Variants in GABRA3 observed in about 807,000 individuals in gnomAD.
GABRA3 encodes gamma-aminobutyric acid receptor subunit alpha-3.
A neutral mutation model predicts 30.1 loss-of-function variants in GABRA3; 10 were observed. The observed-to-expected ratio is 0.33, with a 90% CI of 0.20 to 0.56. The LOEUF (loss-of-function observed/expected upper bound fraction) is 0.56, where lower values mean the gene tolerates loss of function less well. GABRA3 is among the 20% of genes least tolerant of loss of function. The pLI is 0.89. For missense variants in GABRA3, 233 were observed against 392.0 expected (o/e 0.59, Z 3.42); for synonymous variants, 151 against 146.8 (o/e 1.03, Z -0.21).
intron 1 of GABRA3, among the ~76,000 whole-genome samples, chrX:152,412,335 A>G (rs1370502157): frequency 9.0e-6 from 1 of 111,667 alleles, no homozygotes; most frequent in Admixed American, 9.5e-5. Flanking sequence ...TACCCAAAAA[A>G]GTTCAAAACA....
chrX:152,304,625 C>T (rs746577200), intron 3 of GABRA3, among the ~76,000 whole-genome samples: 2 of 111,714 alleles, frequency 1.8e-5, no homozygotes, highest in Non-Finnish European at 3.8e-5. Context: ...GGCTTTATTT[C>T]TGGTCTCCAT....
chrX:152,184,421 A>G (rs1392544980), intron 9 of GABRA3, among the ~76,000 whole-genome samples: 2 of 111,348 alleles, frequency 1.8e-5, no homozygotes, highest in Non-Finnish European at 3.8e-5. Flanking sequence ...TAGGTAAAGT[A>G]GGTCATTTTG....
chrX:152,397,865 A>G (rs1028274432), intron 1 of GABRA3, among the ~76,000 whole-genome samples: 2 of 111,353 alleles, frequency 1.8e-5, no homozygotes, highest in African/African-American at 6.5e-5. Context: ...CGAAGTATCT[A>G]TCCCAAGGTG....
At chrX:152,338,580 G>C (rs774486123) in intron 3 of GABRA3, among the ~76,000 whole-genome samples, 1 of 111,529 alleles carries the variant, frequency 9.0e-6, no homozygotes, top group Middle Eastern at 4.2e-3. Flanking sequence ...CTGTGCTTTC[G>C]AGGTCTTACA....
chrX:152,396,978 C>T (rs1287397175), intron 1 of GABRA3, among the ~76,000 whole-genome samples: 2 of 111,732 alleles, frequency 1.8e-5, no homozygotes, highest in Non-Finnish European at 3.8e-5. Flanking sequence ...TGCTTGGATA[C>T]CTAAGCATGC....
At chrX:152,209,114 ATT>A (rs1305595207) in intron 6 of GABRA3, among the ~76,000 whole-genome samples, 1 of 112,193 alleles carries the variant, frequency 8.9e-6, no homozygotes, top group Admixed American at 9.4e-5. Context: ...ACAATAATTG[ATT>A]TTCTTTCATA....
intron 9 of GABRA3, among the ~76,000 whole-genome samples, chrX:152,182,492 T>C (rs763913341): frequency 9.3e-5 from 8 of 86,313 alleles, no homozygotes; most frequent in African/African-American, 3.4e-4. Flanking sequence ...ATACATACTA[T>C]ATATAGTATA....
intron 4 of GABRA3, among the ~76,000 whole-genome samples, chrX:152,272,164 A>T (rs1218328265): frequency 9.0e-6 from 1 of 111,718 alleles, no homozygotes; most frequent in East Asian, 2.8e-4. Flanking sequence ...ATCCATGGAC[A>T]GCTTACATCA....
intron 5 of GABRA3, among the ~76,000 whole-genome samples, chrX:152,227,890 C>A (rs1017868828): frequency 9.0e-6 from 1 of 111,362 alleles, no homozygotes; most frequent in Non-Finnish European, 1.9e-5. Flanking sequence ...CTGAGGGTAA[C>A]GGTCTCCTCA....
chrX:152,166,306 G>A lies in GABRA3; in HGVS notation c.*1922C>T, dbSNP rs1437595574. ...AGCATTTGGAAACACAATTTCTACA[G>A]AGAGGCAAAGATCAGGCTTCCATTC... On this transcript the variant is annotated 3_prime_UTR_variant, in exon 10 of 10. Transcript: ENST00000370314. 2.7e-5 allele frequency: 3 copies of A among 111,639 alleles called. No individual in the cohort carries two copies. The highest frequency in any genetic ancestry group is 3.8e-5 in the Non-Finnish European group (2 of 53,187). 9.2% of individuals were successfully genotyped at this position (111,639 alleles called of 1,213,427 possible).
intron 1 of GABRA3, among the ~76,000 whole-genome samples, chrX:152,369,866 A>C (rs1057202137): frequency 4.5e-5 from 5 of 111,583 alleles, no homozygotes; most frequent in South Asian, 3.7e-4. Flanking sequence ...GTACTTAATA[A>C]ATACTGAATA....
intron 9 of GABRA3, chrX:152,186,857 A>G (rs1245795552): frequency 1.8e-5 from 2 of 111,213 alleles, no homozygotes; most frequent in Non-Finnish European, 3.8e-5. Flanking sequence ...TCCTGAGCTA[A>G]AGCAGTCTGC....
rs181293679 is a variant in GABRA3, at chrX:152,331,605, T to C, written c.262+13976A>G. On this transcript the variant is annotated intron_variant, in intron 3 of 9. Transcript: ENST00000370314. ...CACTTAATTTCATACCAGCCAGCTATTGCACAGTAGGGGCCCAAGTATAGC... is the reference window on the plus strand; with the variant it reads ...CACTTAATTTCATACCAGCCAGCTACTGCACAGTAGGGGCCCAAGTATAGC... Among the ~76,000 whole-genome samples, 5 of 112,081 alleles carry C rather than the reference T, an allele frequency of 4.5e-5. 1 individual carries two copies. The Admixed American group carries it at 4.7e-4, about 11-fold the overall frequency.
intron 1 of GABRA3, among the ~76,000 whole-genome samples, chrX:152,403,198 T>C (rs988513334): frequency 4.5e-5 from 5 of 110,357 alleles, no homozygotes; most frequent in African/African-American, 1.6e-4. Context: ...AAAGAATGAA[T>C]AAATATTAGA....
intron 4 of GABRA3, among the ~76,000 whole-genome samples, chrX:152,280,878 T>A (rs964522979): frequency 9.0e-6 from 1 of 111,024 alleles, no homozygotes; most frequent in East Asian, 2.8e-4. Context: ...CCAGTTATTA[T>A]CTCCCTGACT....
At chrX:152,357,899 C>T (rs773365522) in intron 2 of GABRA3, among the ~76,000 whole-genome samples, 1 of 110,905 alleles carries the variant, frequency 9.0e-6, no homozygotes, top group African/African-American at 3.3e-5. Flanking sequence ...CTATTCGGTT[C>T]CCTTGGTCTA....
intron 4 of GABRA3, among the ~76,000 whole-genome samples, chrX:152,258,828 C>A (rs1341300104): frequency 1.8e-5 from 2 of 111,326 alleles, no homozygotes; most frequent in Non-Finnish European, 1.9e-5. Context: ...GAAGGCTCCA[C>A]TGATTGTCCC....
At chrX:152,374,369 T>C (rs779172150) in intron 1 of GABRA3, among the ~76,000 whole-genome samples, 1 of 92,357 alleles carries the variant, frequency 1.1e-5, no homozygotes, top group Non-Finnish European at 2.1e-5. Flanking sequence ...TGAGATGGAA[T>C]CTTGCTCTGT....
At chrX:152,176,068 A>G (rs1937071776) in intron 9 of GABRA3, among the ~76,000 whole-genome samples, 1 of 31,448 alleles carries the variant, frequency 3.2e-5, no homozygotes, top group Non-Finnish European at 1.0e-4. Flanking sequence ...CATCTCAAAA[A>G]TAAATAAATA....
Sources: gnomAD v4.1 joint callset for allele counts (sites outside exome capture counted in the v4.1 genomes callset) on GRCh38, gnomAD v4.1.1 for gene constraint, MANE v1.5 for transcripts, NCBI Gene and HGNC (gene_info 2026-07-23, HGNC 2026-07-21) for gene names.